Variants in MIGA1 observed in about 807,000 individuals in gnomAD.
MIGA1 encodes family with sequence similarity 73, member A.
Under a neutral mutation model 82.0 loss-of-function variants are expected in MIGA1, and 58 were observed. That is an observed-to-expected ratio of 0.71 (90% CI 0.57 to 0.88). The LOEUF (loss-of-function observed/expected upper bound fraction) is 0.88, where lower values mean the gene tolerates loss of function less well. Among genes scored for constraint, MIGA1 ranks in the 40% least tolerant of loss-of-function variants. The probability of loss-of-function intolerance (pLI) is 0.00; values close to 1 mark genes in which losing one functional copy is unlikely to be tolerated. For synonymous variants in MIGA1, 249 were observed against 253.6 expected (o/e 0.98, Z 0.17); for missense variants, 751 against 749.1 (o/e 1.00, Z -0.03).
intron 5 of MIGA1, among the ~76,000 whole-genome samples, chr1:77,809,107 AAACAACAAC>A (rs202191692): frequency 0.027 from 4,048 of 151,556 alleles, 56 homozygotes; most frequent in Middle Eastern, 0.079. Flanking sequence ...CGTTTTCTTA[AAACAACAAC>A]AACAACAACA....
intron 14 of MIGA1, among the ~76,000 whole-genome samples, chr1:77,869,211 T>C (rs943410405): frequency 1.3e-4 from 18 of 139,838 alleles, no homozygotes; most frequent in African/African-American, 2.4e-4. Flanking sequence ...TTAATCCATT[T>C]AACCCTGAGT....
chr1:77,874,527 C>A (rs751583894), intron 15 of MIGA1, among the ~76,000 whole-genome samples: 11 of 152,118 alleles, frequency 7.2e-5, no homozygotes, highest in Non-Finnish European at 1.5e-4. Flanking sequence ...TTTACAGGCA[C>A]TTCTTATAGA....
chr1:77,855,110 T>C (rs1027112155), intron 8 of MIGA1, among the ~76,000 whole-genome samples: 1 of 152,224 alleles, frequency 6.6e-6, no homozygotes, highest in African/African-American at 2.4e-5. Flanking sequence ...TTCTCCTACA[T>C]GTAGCTAGCC....
At chr1:77,842,961 C>T (rs1684683393) in intron 7 of MIGA1, among the ~76,000 whole-genome samples, 2 of 152,202 alleles carry the variant, frequency 1.3e-5, no homozygotes, top group African/African-American at 4.8e-5. Flanking sequence ...TTGGGCAAGA[C>T]CACTTGCAAA....
At chr1:77,863,865 T>C in intron 12 of MIGA1, 29 bp from the exon 13 acceptor site, 1 of 1,471,488 alleles carries the variant, frequency 6.8e-7, no homozygotes, top group Non-Finnish European at 9.2e-7. Flanking sequence ...GTAATAATAA[T>C]TTCTGTTTCA....
intron 14 of MIGA1, among the ~76,000 whole-genome samples, chr1:77,867,553 C>T (rs1194861627): frequency 6.6e-6 from 1 of 152,112 alleles, no homozygotes; most frequent in Non-Finnish European, 1.5e-5. Context: ...GCCTCAAACT[C>T]CTGGCCTCAA....
At chr1:77,792,601 A>C (rs1381872796) in intron 2 of MIGA1, among the ~76,000 whole-genome samples, 1 of 152,220 alleles carries the variant, frequency 6.6e-6, no homozygotes, top group Non-Finnish European at 1.5e-5. Context: ...TTCAAAGCTG[A>C]AATACTCAGT....
intron 12 of MIGA1, 196 bp downstream of exon 12, chr1:77,861,518 C>G: frequency 4.0e-6 from 2 of 494,032 alleles, no homozygotes; most frequent in Non-Finnish European, 7.1e-6. Flanking sequence ...TTCTAAGAAG[C>G]CTTTTTTGCT....
At chr1:77,822,144 T>C (rs1160626134) in intron 7 of MIGA1, among the ~76,000 whole-genome samples, 2 of 152,164 alleles carry the variant, frequency 1.3e-5, no homozygotes, top group African/African-American at 4.8e-5. Context: ...AAAAAAATCG[T>C]ACACCTTAAA....
At chr1:77,841,399 G>T (rs1200460483) in intron 7 of MIGA1, among the ~76,000 whole-genome samples, 1 of 150,924 alleles carries the variant, frequency 6.6e-6, no homozygotes, top group Non-Finnish European at 1.5e-5. Context: ...AATGAACCTT[G>T]TACCAATTGT....
intron 12 of MIGA1, 46 bp downstream of exon 12, chr1:77,861,368 A>G (rs1041432111): frequency 3.2e-6 from 4 of 1,235,040 alleles, no homozygotes; most frequent in Admixed American, 3.5e-5. Context: ...AGTTATTTGC[A>G]TGTAATTTTA....
At position 77,783,342 on chromosome 1, in the gene MIGA1, T is replaced by C. The variant is rs760014539; in HGVS notation, c.186T>C (p.Ser62=). 7 of 1,569,318 alleles carry C rather than the reference T, an allele frequency of 4.5e-6. No homozygotes were observed. The highest frequency in any genetic ancestry group is 6.1e-6 in the Non-Finnish European group (7 of 1,148,176). ...ATCTTCCTCTGACTTGGTACTATTC[T>C]CTCTCCCAGGTAAATAAAAGAAGCA... Residue 62 remains serine (S), a synonymous_variant, in exon 2 of 16, where the codon TCT becomes TCC. Transcript: ENST00000370791.
At chr1:77,864,502 G>C (rs1482326247) in intron 13 of MIGA1, among the ~76,000 whole-genome samples, 3 of 150,538 alleles carry the variant, frequency 2.0e-5, no homozygotes, top group Non-Finnish European at 4.4e-5. Context: ...ATGGTGAAAG[G>C]CTGTCTCTTT....
At chr1:77,794,037 C>A (rs1260398823) in intron 2 of MIGA1, among the ~76,000 whole-genome samples, 1 of 152,108 alleles carries the variant, frequency 6.6e-6, no homozygotes, top group Admixed American at 6.6e-5. Context: ...GATCTGCCCG[C>A]CTCAGCCTCC....
At chr1:77,838,488 C>T (rs1046103718) in intron 7 of MIGA1, among the ~76,000 whole-genome samples, 25 of 152,068 alleles carry the variant, frequency 1.6e-4, no homozygotes, top group African/African-American at 5.6e-4. Context: ...CACTCTGTCA[C>T]CCAGGCTGGA....
intron 1 of MIGA1, chr1:77,780,053 C>A: frequency 9.0e-7 from 1 of 1,111,864 alleles, no homozygotes; most frequent in Non-Finnish European, 1.1e-6. Flanking sequence ...GGGCTCGCCA[C>A]TGCTCTGAGC....
In MIGA1 at chr1:77,806,647, A is replaced by T. The variant is rs1683111688; in HGVS notation, c.511-328A>T. The stretch of plus-strand genomic sequence containing the variant: ...ATTCTAAAAGAAAAATAAGCTAGCT[A>T]GCTTAAATCACAGTAGGTATAGATA... On this transcript the variant is annotated intron_variant, in intron 4 of 15. Transcript: ENST00000370791. Among the ~76,000 whole-genome samples, 3 of 152,264 alleles carry T rather than the reference A, an allele frequency of 2.0e-5. No homozygotes were observed. In the South Asian group the frequency reaches 6.2e-4, roughly 32 times the overall value.
intron 2 of MIGA1, among the ~76,000 whole-genome samples, chr1:77,786,613 G>A (rs1040515651): frequency 2.0e-5 from 3 of 152,118 alleles, no homozygotes; most frequent in Non-Finnish European, 2.9e-5. Context: ...AGATTTCTAG[G>A]TCAGGGGCAA....
intron 7 of MIGA1, among the ~76,000 whole-genome samples, chr1:77,842,841 C>T (rs1398874822): frequency 1.3e-5 from 2 of 152,134 alleles, no homozygotes; most frequent in South Asian, 2.1e-4. Flanking sequence ...TGCACCCGGC[C>T]GTGAATTGTT....
Sources: gnomAD v4.1 joint callset for allele counts (sites outside exome capture counted in the v4.1 genomes callset) on GRCh38, gnomAD v4.1.1 for gene constraint, MANE v1.5 for transcripts, NCBI Gene and HGNC (gene_info 2026-07-23, HGNC 2026-07-21) for gene names.